The following MCMDC2 variants were observed in gnomAD, a reference collection of about 807,000 sequenced individuals.
MCMDC2 encodes the protein minichromosome maintenance domain containing 2, also known as minichromosome maintenance domain-containing protein 2.
A neutral mutation model predicts 75.8 loss-of-function variants in MCMDC2; 54 were observed. The observed-to-expected ratio is 0.71, with a 90% CI of 0.57 to 0.89. The LOEUF is 0.89. Among genes scored for constraint, MCMDC2 ranks in the 40% least tolerant of loss-of-function variants. The probability of loss-of-function intolerance (pLI) is 0.00; values close to 1 mark genes in which losing one functional copy is unlikely to be tolerated. For synonymous variants in MCMDC2, 249 were observed against 274.6 expected (o/e 0.91, Z 0.92); for missense variants, 656 against 780.4 (o/e 0.84, Z 1.90).
intron 4 of MCMDC2, among the ~76,000 whole-genome samples, chr8:66,876,887 A>T (rs1306328206): frequency 6.6e-6 from 1 of 151,904 alleles, no homozygotes; most frequent in Non-Finnish European, 1.5e-5. Flanking sequence ...TAGCCTCCCG[A>T]GTAGCTGGGA....
intron 14 of MCMDC2, among the ~76,000 whole-genome samples, chr8:66,910,619 G>A (rs192266544): frequency 7.9e-5 from 12 of 152,276 alleles, no homozygotes; most frequent in African/African-American, 1.4e-4. Context: ...AGACCAGCCT[G>A]GCCAACATGG....
At chr8:66,900,328 C>T (rs926202358) in intron 12 of MCMDC2, among the ~76,000 whole-genome samples, 2 of 151,976 alleles carry the variant, frequency 1.3e-5, no homozygotes, top group Admixed American at 1.3e-4. Flanking sequence ...ATCCCAGCTA[C>T]TCGGGAGGCT....
At chr8:66,877,623 G>T in intron 5 of MCMDC2, 79 bp downstream of exon 5, 1 of 1,042,702 alleles carries the variant, frequency 9.6e-7, no homozygotes, top group Non-Finnish European at 1.3e-6. Flanking sequence ...CCTGCACTTT[G>T]GGAAGCTGAG....
chr8:66,924,580 A>G (rs1813662786), downstream of MCMDC2, among the ~76,000 whole-genome samples: 4 of 150,842 alleles, frequency 2.7e-5, no homozygotes. Context: ...GGATTCAGTG[A>G]GCCAAGATCG....
chr8:66,891,510 G>GT (rs987542642), intron 10 of MCMDC2, among the ~76,000 whole-genome samples: 1 of 151,940 alleles, frequency 6.6e-6, no homozygotes, highest in African/African-American at 2.4e-5. Flanking sequence ...TTCCGAGAGG[G>GT]TTTTTTTTAA....
chr8:66,887,412 C>G (rs1301088217), intron 9 of MCMDC2, among the ~76,000 whole-genome samples: 3 of 150,900 alleles, frequency 2.0e-5, no homozygotes, highest in African/African-American at 7.3e-5. Flanking sequence ...ATTAGCCGGG[C>G]ATAGTGGTGC....
At chr8:66,883,627 C>CA (rs879539316) in intron 8 of MCMDC2, 130 bp from the exon 9 acceptor site, 20,977 of 434,566 alleles carry the variant, frequency 0.048, no homozygotes, top group East Asian at 0.058. Flanking sequence ...GATCCTGTCT[C>CA]AAAAAAAAAA....
At chr8:66,916,989 A>C (rs567105437) in intron 14 of MCMDC2, among the ~76,000 whole-genome samples, 1 of 152,292 alleles carries the variant, frequency 6.6e-6, no homozygotes, top group African/African-American at 2.4e-5. Context: ...CTGCTGGTTG[A>C]CTATAGAAGG....
intron 10 of MCMDC2, among the ~76,000 whole-genome samples, chr8:66,891,527 A>G (rs1188684968): frequency 6.6e-6 from 1 of 152,112 alleles, no homozygotes; most frequent in Non-Finnish European, 1.5e-5. Context: ...TTAATCATAA[A>G]TGGATATTGG....
At chr8:66,882,817 C>T (rs775755957) in intron 8 of MCMDC2, among the ~76,000 whole-genome samples, 3 of 152,150 alleles carry the variant, frequency 2.0e-5, no homozygotes, top group Non-Finnish European at 4.4e-5. Flanking sequence ...AAAGAAAGCA[C>T]TGATGAATTA....
At chr8:66,873,663 G>A (rs925325265) in intron 1 of MCMDC2, among the ~76,000 whole-genome samples, 1 of 152,030 alleles carries the variant, frequency 6.6e-6, no homozygotes, top group African/African-American at 2.4e-5. Context: ...TGAAGCTGGC[G>A]GATCACGAGG....
intron 14 of MCMDC2, among the ~76,000 whole-genome samples, chr8:66,916,515 T>G (rs1813330181): frequency 6.6e-6 from 1 of 152,140 alleles, no homozygotes; most frequent in Non-Finnish European, 1.5e-5. Flanking sequence ...AAAGAAGAAA[T>G]GCCAGTTGTG....
At chr8:66,876,631 C>A (rs958688224) in intron 4 of MCMDC2, among the ~76,000 whole-genome samples, 9 of 152,150 alleles carry the variant, frequency 5.9e-5, no homozygotes, top group African/African-American at 1.9e-4. Context: ...CCCAAGGAAT[C>A]CTGATTCCTT....
chr8:66,905,240 A>G lies in MCMDC2; in HGVS notation c.1784A>G (p.Glu595Gly). ...SALKYLVFLS[E>G]AHARLNLRNK... Reference sequence around the variant, plus strand: ...TTCTTTTTTAGCGTTTTCCTATCTGAAGCCCATGCACGACTGAACTTAAGG... The same window carrying G: ...TTCTTTTTTAGCGTTTTCCTATCTGGAGCCCATGCACGACTGAACTTAAGG... Residue 595 changes from glutamate to glycine, a missense_variant, in exon 14 of 15, where the codon GAA becomes GGA. By Grantham distance (98) the Glu-to-Gly change is moderately conservative. Transcript: ENST00000422365. 6.9e-7 allele frequency: 1 copy of G among 1,450,766 alleles called. No homozygotes were observed. Among genetic ancestry groups the G allele is most frequent in the Non-Finnish European group, 9.1e-7 (1 of 1,099,340 alleles). 89.9% of individuals were successfully genotyped at this position (1,450,766 alleles called of 1,614,324 possible).
At chr8:66,877,694 G>A (rs972222210) in intron 5 of MCMDC2, 150 bp downstream of exon 5, 12 of 546,284 alleles carry the variant, frequency 2.2e-5, no homozygotes, top group South Asian at 9.7e-5. Context: ...GAGAAACCTC[G>A]TCTCTACAAA....
rs1440450207 is a variant in MCMDC2 at position 66,894,621 on chromosome 8, ATACAATATAAAGATAAAAGTATTG to A, written c.1280-1529_1280-1506del. 3.3e-5 allele frequency among the ~76,000 whole-genome samples: 5 copies of A among 152,370 alleles called. No homozygotes were observed. The East Asian group carries it at 7.7e-4, about 23-fold the overall frequency. On this transcript the variant is annotated intron_variant, in intron 10 of 14. Coordinates refer to ENST00000422365, the MANE Select transcript of MCMDC2 (RefSeq NM_173518.5). ...AGGTAAATGCCCATATATTTGCATT[ATACAATATAAAGATAAAAGTATTG>A]TACAATATAAAGATAAAAGGTAAAA...
At chr8:66,886,228 C>T (rs2130812967) in intron 9 of MCMDC2, among the ~76,000 whole-genome samples, 1 of 150,172 alleles carries the variant, frequency 6.7e-6, no homozygotes, top group African/African-American at 2.5e-5. Flanking sequence ...GCAATGGCAC[C>T]ATCTTGGCTC....
At chr8:66,922,306 G>C, downstream of MCMDC2, 1 of 303,650 alleles carries the variant, frequency 3.3e-6, no homozygotes, top group South Asian at 2.8e-5. Context: ...AGACATAGTT[G>C]CTTGACAAAT....
intron 9 of MCMDC2, among the ~76,000 whole-genome samples, chr8:66,885,245 A>G (rs1026946515): frequency 3.0e-4 from 46 of 151,604 alleles, no homozygotes; most frequent in African/African-American, 1.1e-3. Flanking sequence ...AGGCAGGAGA[A>G]TTGCTAGAAC....
Sources: allele counts gnomAD v4.1 joint callset (sites outside exome capture counted in the v4.1 genomes callset), GRCh38; gene constraint gnomAD v4.1.1; transcripts MANE v1.5; gene names NCBI Gene and HGNC (gene_info 2026-07-23, HGNC 2026-07-21).